The following ZNF292 variants were observed in gnomAD, a reference collection of about 807,000 sequenced individuals.
ZNF292 encodes the protein 16 zinc-finger domain protein.
ZNF292 carries 26 observed loss-of-function variants against 217.9 expected under a neutral mutation model. The observed-to-expected ratio is 0.12, with a 90% CI of 0.09 to 0.17. The LOEUF (loss-of-function observed/expected upper bound fraction) is 0.17, where lower values mean the gene tolerates loss of function less well. Among genes scored for constraint, ZNF292 ranks in the 10% least tolerant of loss-of-function variants. The pLI is 1.00. For missense variants in ZNF292, 2,904 were observed against 3,175.2 expected (o/e 0.91, Z 2.05); for synonymous variants, 1,257 against 1,124.1 (o/e 1.12, Z -2.37).
intron 4 of ZNF292, chr6:87,223,551 G>A (rs1445955204): frequency 6.6e-6 from 1 of 152,188 alleles, no homozygotes; most frequent in Non-Finnish European, 1.5e-5. Context: ...ACCTCCTTGA[G>A]GAAGCAGTAT....
Position 87,256,405 on chromosome 6 carries a change from A to G in ZNF292, c.2776A>G (p.Thr926Ala), listed in dbSNP as rs1479769566. 9 of 1,607,704 alleles carry G rather than the reference A, an allele frequency of 5.6e-6. No individual in the cohort carries two copies. Among genetic ancestry groups the G allele is most frequent in the South Asian group, 4.4e-5 (4 of 91,084 alleles). ...PLSNGLENPATTPLLQSSEVA... is the reference protein window; with the variant it reads ...PLSNGLENPAATPLLQSSEVA... The stretch of plus-strand genomic sequence containing the variant: ...GTCAAATGGTTTGGAAAACCCTGCT[A>G]CTACTCCTCTACTTCAATCCAGTGA... The change falls in exon 8 of 8, where the codon ACT (threonine) becomes GCT (alanine). Residue 926 changes from threonine (T) to alanine (A), a missense_variant. Around this residue, in one of 15 missense-constraint regions of ZNF292, gnomAD observed 687 missense variants for 623.0 expected, o/e 1.10. Coordinates refer to ENST00000369577, the MANE Select transcript of ZNF292 (RefSeq NM_015021.3).
chr6:87,169,829 G>A (rs976294798), intron 1 of ZNF292: 9 of 290,176 alleles, frequency 3.1e-5, no homozygotes, highest in South Asian at 5.3e-5. Context: ...GGAAATTTTA[G>A]TGGAGACAGG....
chr6:87,256,844 C>G lies in ZNF292; in HGVS notation c.3215C>G (p.Ala1072Gly), dbSNP rs1198625024. The change falls in exon 8 of 8, where the codon GCA becomes GGA. Residue 1072 changes from alanine to glycine, a missense_variant. Physicochemically the swap from Ala to Gly is moderately conservative, Grantham distance 60 (BLOSUM62 0). This residue lies in a region of ZNF292 where 687 missense variants were observed against 623.0 expected (regional missense o/e 1.10). Transcript: ENST00000369577. ...CCTCTTAAGACATTAGAAAGTATTG[C>G]ATTTGTTCCACCGCAGTCCGACCTA... ...NLPLKTLESI[A>G]FVPPQSDLSN... The G allele has an allele frequency of 3.1e-6, 5 of 1,613,764 alleles. No individual in the cohort carries two copies. The highest frequency in any genetic ancestry group is 3.4e-6 in the Non-Finnish European group (4 of 1,179,818).
chr6:87,256,285 A>G lies in ZNF292; in HGVS notation c.2656A>G (p.Arg886Gly), dbSNP rs1176095738. 6.2e-7 allele frequency: 1 copy of G among 1,613,816 alleles called. No individual in the cohort carries two copies. The highest frequency in any genetic ancestry group is 1.7e-5 in the Admixed American group (1 of 60,004). ...NNIENSLLADRSDAWDKSKAE... is the reference protein window; with the variant it reads ...NNIENSLLADGSDAWDKSKAE... Reference sequence around the variant, plus strand: ...CATTGAAAACAGCTTACTAGCAGATAGAAGTGATGCTTGGGATAAAAGCAA... The same window carrying G: ...CATTGAAAACAGCTTACTAGCAGATGGAAGTGATGCTTGGGATAAAAGCAA... The change falls in exon 8 of 8, where the codon AGA becomes GGA. Residue 886 changes from arginine to glycine, a missense_variant. By Grantham distance (125) the Arg-to-Gly change is moderately radical. Around this residue, in one of 15 missense-constraint regions of ZNF292, gnomAD observed 687 missense variants for 623.0 expected, o/e 1.10. Coordinates refer to ENST00000369577, the MANE Select transcript of ZNF292 (RefSeq NM_015021.3).
intron 1 of ZNF292, among the ~76,000 whole-genome samples, chr6:87,162,711 G>A (rs370351844): frequency 1.3e-5 from 2 of 152,286 alleles, no homozygotes; most frequent in East Asian, 3.9e-4. Flanking sequence ...TAAAATGAGG[G>A]AAGAGAAGAT....
At position 87,255,382 on chromosome 6, in the gene ZNF292, G is replaced by T. The variant is rs1462021163; in HGVS notation, c.1753G>T (p.Val585Phe). Residue 585 changes from valine (V) to phenylalanine (F), a missense_variant, in exon 8 of 8, where the codon GTC becomes TTC. By Grantham distance (50) the Val-to-Phe change is conservative. Coordinates refer to ENST00000369577, the MANE Select transcript of ZNF292 (RefSeq NM_015021.3). ...GAACTTTAATTCTAAAGAAACTTTT[G>T]TCCCTCATGTCACACTGCATGTTAA... ...AKNFNSKETFVPHVTLHVKQS... is the reference protein window; with the variant it reads ...AKNFNSKETFFPHVTLHVKQS... The T allele has an allele frequency of 1.2e-6, 2 of 1,613,504 alleles. No individual in the cohort carries two copies. Among genetic ancestry groups the T allele is most frequent in the Non-Finnish European group, 1.7e-6 (2 of 1,179,806 alleles).
intron 5 of ZNF292, among the ~76,000 whole-genome samples, chr6:87,242,547 A>G (rs796369953): frequency 1.3e-4 from 20 of 152,290 alleles, no homozygotes; most frequent in African/African-American, 4.8e-4. Context: ...AAAATCAACT[A>G]GGAGAGGCAT....
intron 1 of ZNF292, among the ~76,000 whole-genome samples, chr6:87,186,852 T>C (rs1295092017): frequency 6.6e-6 from 1 of 152,228 alleles, no homozygotes; most frequent in African/African-American, 2.4e-5. Flanking sequence ...TCTTTTGTTA[T>C]AGTTGTTCCT....
chr6:87,263,949 T>A lies in ZNF292; in HGVS notation c.*2148T>A, dbSNP rs977136832. The A allele has an allele frequency of 1.3e-5, 2 of 152,082 alleles. No homozygotes were observed. Among genetic ancestry groups the A allele is most frequent in the Non-Finnish European group, 2.9e-5 (2 of 67,988 alleles). The allele number at this position is 152,082 out of a possible 1,614,324, so 9.4% of individuals were successfully genotyped here. A position where few individuals can be genotyped will look rare whatever the true frequency, so the allele number is the denominator to read the frequency against. Reference sequence around the variant, plus strand: ...TCTTTTGCTCATTAGCTTAAGAAAATTTATAACTAGACATTTCTAATTGTT... The same window carrying A: ...TCTTTTGCTCATTAGCTTAAGAAAAATTATAACTAGACATTTCTAATTGTT... On this transcript the variant is annotated 3_prime_UTR_variant, in exon 8 of 8. Transcript: ENST00000369577.
intron 7 of ZNF292, among the ~76,000 whole-genome samples, chr6:87,251,912 C>G (rs754776108): frequency 8.5e-5 from 13 of 152,136 alleles, no homozygotes; most frequent in Non-Finnish European, 1.5e-4. Context: ...TCAAAATGAA[C>G]CTTTGAATTT....
intron 1 of ZNF292, among the ~76,000 whole-genome samples, chr6:87,189,147 G>A (rs900439970): frequency 3.3e-5 from 5 of 152,148 alleles, no homozygotes; most frequent in African/African-American, 1.2e-4. Flanking sequence ...AGAGGTTGCA[G>A]TGAGTTGAGA....
chr6:87,157,834 G>A (rs939561998), intron 1 of ZNF292, among the ~76,000 whole-genome samples: 1 of 152,052 alleles, frequency 6.6e-6, no homozygotes, highest in South Asian at 2.1e-4. Context: ...GACTACAGGC[G>A]TGCGCCACCA....
At chr6:87,240,918 CATCTT>C in intron 5 of ZNF292, among the ~76,000 whole-genome samples, 1 of 152,326 alleles carries the variant, frequency 6.6e-6, no homozygotes, top group African/African-American at 2.4e-5. Flanking sequence ...CTTAGGTTGA[CATCTT>C]GACTTTGCCA....
intron 7 of ZNF292, among the ~76,000 whole-genome samples, chr6:87,252,654 G>T (rs1337088405): frequency 6.6e-6 from 1 of 152,102 alleles, no homozygotes; most frequent in Non-Finnish European, 1.5e-5. Flanking sequence ...GTCTTTCTGT[G>T]TGTAGTATGC....
intron 4 of ZNF292, among the ~76,000 whole-genome samples, chr6:87,224,448 TA>T (rs200524257): frequency 1.9e-4 from 28 of 144,784 alleles, no homozygotes; most frequent in Admixed American, 2.1e-4. Context: ...TTTCACTCCC[TA>T]AAAAAAAAAA....
chr6:87,164,647 G>A (rs1444393003), intron 1 of ZNF292, among the ~76,000 whole-genome samples: 1 of 151,868 alleles, frequency 6.6e-6, no homozygotes. Context: ...ACATCTGACT[G>A]TCCCTTCGAT....
Position 87,253,828 on chromosome 6 carries a change from C to G in ZNF292, c.1021-822C>G, listed in dbSNP as rs573896902. 2.0e-5 allele frequency among the ~76,000 whole-genome samples: 3 copies of G among 152,288 alleles called. No individual in the cohort carries two copies. In the South Asian group the frequency reaches 6.2e-4, roughly 32 times the overall value. ...TTATTCCAGTGAATGTGGCCACATC[C>G]TGTGGCTATCTTATTTCTCATTTAT... On this transcript the variant is annotated intron_variant, in intron 7 of 7. Transcript: ENST00000369577.
In ZNF292 at chr6:87,264,811, A is replaced by G. The variant is rs950478440; in HGVS notation, c.*3010A>G. On this transcript the variant is annotated 3_prime_UTR_variant, in exon 8 of 8. Coordinates refer to ENST00000369577, the MANE Select transcript of ZNF292 (RefSeq NM_015021.3). ...TTATTGGATGCATGTATATTGAACA[A>G]TTTAATCAGTATCAGTTTTAGAAAG... 2.6e-5 allele frequency among the ~76,000 whole-genome samples: 4 copies of G among 152,208 alleles called. No individual in the cohort carries two copies. The highest frequency in any genetic ancestry group is 9.6e-5 in the African/African-American group (4 of 41,458).
chr6:87,233,661 G>A, intron 5 of ZNF292, 134 bp downstream of exon 5: 1 of 1,425,762 alleles, frequency 7.0e-7, no homozygotes, highest in Non-Finnish European at 9.2e-7. Context: ...GTATGTTCTT[G>A]AGTGGTGGCA....
Sources: allele counts gnomAD v4.1 joint callset (sites outside exome capture counted in the v4.1 genomes callset), GRCh38; gene constraint gnomAD v4.1.1; regional missense constraint gnomAD v4.1.1; transcripts MANE v1.5; gene names NCBI Gene and HGNC (gene_info 2026-07-23, HGNC 2026-07-21).